Variants in HPSE2 observed in about 807,000 individuals in gnomAD.
HPSE2 encodes the protein heparanase 2 (inactive).
A neutral mutation model predicts 60.5 loss-of-function variants in HPSE2; 38 were observed. That is an observed-to-expected ratio of 0.63 (90% CI 0.48 to 0.82). The LOEUF (loss-of-function observed/expected upper bound fraction) is 0.82, where lower values mean the gene tolerates loss of function less well. Among genes scored for constraint, HPSE2 ranks in the 40% least tolerant of loss-of-function variants. HPSE2 has a pLI of 0.00. For synonymous variants in HPSE2, 295 were observed against 293.2 expected (o/e 1.01, Z -0.06); for missense variants, 713 against 740.4 (o/e 0.96, Z 0.43).
intron 3 of HPSE2, among the ~76,000 whole-genome samples, chr10:98,906,774 C>T (rs112102745): frequency 0.12 from 17,887 of 151,906 alleles, 1,121 homozygotes; most frequent in South Asian, 0.21. Flanking sequence ...CGTGGTGGCA[C>T]GCACCAGTAG....
rs72840592 is a variant in HPSE2, at chr10:98,714,856, T to C, written c.956+6801A>G. 6.7e-3 allele frequency among the ~76,000 whole-genome samples: 1,017 copies of C among 151,976 alleles called. 8 individuals are homozygous for C. Among genetic ancestry groups the C allele is most frequent in the South Asian group, 0.027 (131 of 4,826 alleles). On this transcript the variant is annotated intron_variant, in intron 5 of 11. Coordinates refer to ENST00000370552, the MANE Select transcript of HPSE2 (RefSeq NM_021828.5). ...CTCCAGTACTTGTTATTGTATATAATCTTTTTGATTATAGCTATTTTAGTG... is the reference window on the plus strand; with the variant it reads ...CTCCAGTACTTGTTATTGTATATAACCTTTTTGATTATAGCTATTTTAGTG...
At chr10:98,716,839 G>C (rs1001190380) in intron 5 of HPSE2, among the ~76,000 whole-genome samples, 1 of 152,106 alleles carries the variant, frequency 6.6e-6, no homozygotes, top group Admixed American at 6.6e-5. Flanking sequence ...GGTCTCAGTA[G>C]TGGGTGTAAA....
chr10:99,299,220 C>G, the HPSE2 span, among the ~76,000 whole-genome samples: 15 of 152,268 alleles, frequency 9.9e-5, no homozygotes, highest in African/African-American at 3.4e-4. Context: ...ACCCCTCCCC[C>G]TCATCCAACA....
At chr10:99,112,163 T>C (rs902880719) in intron 3 of HPSE2, among the ~76,000 whole-genome samples, 1 of 152,204 alleles carries the variant, frequency 6.6e-6, no homozygotes, top group African/African-American at 2.4e-5. Flanking sequence ...TCCAGGTCTC[T>C]CAACTCTGAA....
intron 2 of HPSE2, among the ~76,000 whole-genome samples, chr10:99,172,255 G>T (rs1196880988): frequency 2.0e-5 from 3 of 152,066 alleles, no homozygotes; most frequent in Non-Finnish European, 4.4e-5. Flanking sequence ...TTTTTTATAA[G>T]AATTTGTCAA....
chr10:98,468,844 TC>T (rs1441645456), intron 11 of HPSE2, among the ~76,000 whole-genome samples: 1 of 152,088 alleles, frequency 6.6e-6, no homozygotes, highest in African/African-American at 2.4e-5. Context: ...CCCTTGCCCT[TC>T]CAACAGCCCA....
chr10:98,559,211 A>G (rs1366410659), intron 9 of HPSE2, among the ~76,000 whole-genome samples: 1 of 152,130 alleles, frequency 6.6e-6, no homozygotes, highest in African/African-American at 2.4e-5. Flanking sequence ...TATTTTTAGT[A>G]GAGATGGGGT....
the HPSE2 span, among the ~76,000 whole-genome samples, chr10:99,296,436 C>T: frequency 6.6e-6 from 1 of 152,164 alleles, no homozygotes; most frequent in Non-Finnish European, 1.5e-5. Context: ...ACTCAATGAG[C>T]CCAAATTTCT....
At chr10:98,614,879 T>C (rs758004737) in intron 9 of HPSE2, 25 bp downstream of exon 9, 1 of 1,422,300 alleles carries the variant, frequency 7.0e-7, no homozygotes, top group South Asian at 1.1e-5. Flanking sequence ...GGAAAAGGGA[T>C]TGGGAATCTT....
chr10:99,021,154 C>T (rs1295608433), intron 3 of HPSE2, among the ~76,000 whole-genome samples: 1 of 152,172 alleles, frequency 6.6e-6, no homozygotes, highest in Admixed American at 6.5e-5. Context: ...AACACTCAAC[C>T]TACAAACTAG....
At chr10:98,592,928 G>A (rs1048485502) in intron 9 of HPSE2, among the ~76,000 whole-genome samples, 2 of 152,170 alleles carry the variant, frequency 1.3e-5, no homozygotes, top group African/African-American at 2.4e-5. Context: ...AGTATAGAGA[G>A]TGATTAAATA....
At chr10:98,798,062 C>T (rs1435478853) in intron 3 of HPSE2, among the ~76,000 whole-genome samples, 1 of 151,778 alleles carries the variant, frequency 6.6e-6, no homozygotes, top group Non-Finnish European at 1.5e-5. Flanking sequence ...AGGAAAGGAC[C>T]CTAAAAGCAG....
chr10:98,521,291 C>T (rs561538052), intron 9 of HPSE2, among the ~76,000 whole-genome samples: 2 of 152,182 alleles, frequency 1.3e-5, no homozygotes, highest in East Asian at 1.9e-4. Context: ...AACAAATTTA[C>T]AAGAAAAAAA....
intron 3 of HPSE2, among the ~76,000 whole-genome samples, chr10:99,012,039 C>T (rs1032049368): frequency 1.1e-4 from 17 of 151,926 alleles, no homozygotes; most frequent in South Asian, 8.3e-4. Context: ...ACATACCTTA[C>T]TTTTACTTTG....
chr10:99,190,045 T>C (rs1848166596), intron 2 of HPSE2, among the ~76,000 whole-genome samples: 2 of 152,210 alleles, frequency 1.3e-5, no homozygotes, highest in South Asian at 4.1e-4. Flanking sequence ...TCTAACATCT[T>C]TCAGTACTGA....
intron 6 of HPSE2, among the ~76,000 whole-genome samples, chr10:98,671,870 C>G (rs1034981883): frequency 6.6e-6 from 1 of 152,144 alleles, no homozygotes; most frequent in African/African-American, 2.4e-5. Context: ...CTTGGAGGAG[C>G]ACAGTGTGGA....
At chr10:99,064,041 T>C (rs1589598514) in intron 3 of HPSE2, among the ~76,000 whole-genome samples, 1 of 152,206 alleles carries the variant, frequency 6.6e-6, no homozygotes, top group East Asian at 1.9e-4. Flanking sequence ...TGCAGTGAGC[T>C]GAGATCGCGC....
chr10:99,278,438 A>C, the HPSE2 span, among the ~76,000 whole-genome samples: 1 of 152,124 alleles, frequency 6.6e-6, no homozygotes, highest in Admixed American at 6.6e-5. Context: ...GGGTTCTCTC[A>C]CATTCAGAAG....
chr10:99,199,955 C>T (rs1419557417), intron 2 of HPSE2, among the ~76,000 whole-genome samples: 1 of 152,060 alleles, frequency 6.6e-6, no homozygotes, highest in African/African-American at 2.4e-5. Context: ...TTCTTCAACT[C>T]CTTCATCAAT....
Sources: allele counts gnomAD v4.1 joint callset (sites outside exome capture counted in the v4.1 genomes callset), GRCh38; gene constraint gnomAD v4.1.1; transcripts MANE v1.5; gene names NCBI Gene and HGNC (gene_info 2026-07-23, HGNC 2026-07-21).